Variants in AKAP13 observed in about 807,000 individuals in gnomAD.
The protein encoded by AKAP13 is A-kinase anchoring protein 13, also known as A-kinase anchor protein 13.
AKAP13 carries 80 observed loss-of-function variants against 264.5 expected under a neutral mutation model. The ratio of observed to expected loss-of-function variants is 0.30; its 90% confidence interval spans 0.25 to 0.36. The LOEUF is 0.36. Ranked by LOEUF, AKAP13 falls within the 10% of genes least tolerant of loss-of-function variation. The pLI is 1.00. For missense variants in AKAP13, 3,712 were observed against 3,435.2 expected, an observed-to-expected ratio of 1.08 and a Z score of -2.01; for synonymous variants, 1,380 against 1,250.2, an observed-to-expected ratio of 1.10 and a Z score of -2.19.
At chr15:85,674,824 A>T (rs967272309) in intron 14 of AKAP13, among the ~76,000 whole-genome samples, 1 of 151,008 alleles carries the variant, frequency 6.6e-6, no homozygotes, top group East Asian at 1.9e-4. Flanking sequence ...TGAAATATGT[A>T]TGTGTGTGTG....
chr15:85,394,034 G>T (rs2070994439), intron 1 of AKAP13, among the ~76,000 whole-genome samples: 1 of 152,184 alleles, frequency 6.6e-6, no homozygotes, highest in Admixed American at 6.5e-5. Flanking sequence ...TTTGTGGATG[G>T]ACATTAATAA....
At chr15:85,476,865 A>AT (rs1230087821) in intron 1 of AKAP13, among the ~76,000 whole-genome samples, 16 of 152,020 alleles carry the variant, frequency 1.1e-4, no homozygotes, top group Admixed American at 6.6e-5. Context: ...AGTACGTTTA[A>AT]TTTTTTACAG....
At position 85,581,039 on chromosome 15, in the gene AKAP13, C is replaced by A; in HGVS notation, c.2971C>A (p.Leu991Ile). 1 of 1,613,914 alleles carries A rather than the reference C, an allele frequency of 6.2e-7. No individual in the cohort carries two copies. The change falls in exon 7 of 37, where the codon CTT (leucine) becomes ATT (isoleucine). Residue 991 changes from leucine to isoleucine, a missense_variant. By Grantham distance (5) the Leu-to-Ile change is conservative (BLOSUM62 2). This residue lies in a region of AKAP13 where 2,759 missense variants were observed against 2,411.7 expected (regional missense o/e 1.14). Transcript: ENST00000394518. ...TTCACCGGGTGCATCCTCTGCCTTT[C>A]TTAAGGCAGAAACTGAACATAACAA... ...SNSPGASSAF[L>I]KAETEHNKEV... is the part of the protein sequence containing the mutation.
chr15:85,498,396 C>A (rs2075949444), intron 2 of AKAP13, among the ~76,000 whole-genome samples: 1 of 152,048 alleles, frequency 6.6e-6, no homozygotes, highest in Non-Finnish European at 1.5e-5. Flanking sequence ...GCTTAGGTAG[C>A]AACTACCTTT....
At position 85,611,761 on chromosome 15, in the gene AKAP13, G is replaced by T. The variant is rs114920503; in HGVS notation, c.4161+25938G>T. On this transcript the variant is annotated intron_variant, in intron 8 of 36. Transcript: ENST00000394518. The stretch of plus-strand genomic sequence containing the variant: ...GAACACAAGTAACATGTTCAGCTGG[G>T]GCTGGCCTCATCCTTTGTCTCTGTG... 7.1e-3 allele frequency among the ~76,000 whole-genome samples: 1,079 copies of T among 152,214 alleles called. 16 individuals are homozygous for T. Among genetic ancestry groups the T allele is most frequent in the African/African-American group, 0.025 (1,019 of 41,520 alleles).
chr15:85,393,518 G>C (rs181899029), intron 1 of AKAP13, among the ~76,000 whole-genome samples: 64 of 152,346 alleles, frequency 4.2e-4, no homozygotes, highest in African/African-American at 1.4e-3. Flanking sequence ...TGTATGTCCA[G>C]TCTAGAGAGG....
At chr15:85,497,292 G>T (rs778708273) in intron 2 of AKAP13, among the ~76,000 whole-genome samples, 1 of 152,246 alleles carries the variant, frequency 6.6e-6, no homozygotes, top group Non-Finnish European at 1.5e-5. Flanking sequence ...GGGCTCAGAT[G>T]CATGCGTAGA....
intron 8 of AKAP13, among the ~76,000 whole-genome samples, chr15:85,621,789 A>G (rs2081200458): frequency 1.3e-5 from 2 of 152,162 alleles, no homozygotes. Flanking sequence ...TTTCTCGAGC[A>G]TGGTAAGGGG....
intron 13 of AKAP13, among the ~76,000 whole-genome samples, chr15:85,666,266 C>CT (rs2083592663): frequency 6.6e-6 from 1 of 152,176 alleles, no homozygotes. Context: ...TTGCATTTCT[C>CT]TGATGGCCAG....
rs576651497 is a variant in AKAP13, at chr15:85,479,368, A to G, written c.-11-6342A>G. ...ATCCAAAGTATGCATTGTCATTTCCATGTTAACCCTCACTCGAAATTTTTG... is the reference window on the plus strand; with the variant it reads ...ATCCAAAGTATGCATTGTCATTTCCGTGTTAACCCTCACTCGAAATTTTTG... On this transcript the variant is annotated intron_variant, in intron 1 of 36. Coordinates refer to ENST00000394518, the MANE Select transcript of AKAP13 (RefSeq NM_007200.5). Among the ~76,000 whole-genome samples the G allele has an allele frequency of 2.1e-4, 32 of 152,298 alleles. 1 individual carries two copies. The South Asian group carries it at 6.4e-3, about 31-fold the overall frequency.
chr15:85,382,219 C>G (rs2070316421), intron 1 of AKAP13: 1 of 152,196 alleles, frequency 6.6e-6, no homozygotes, highest in South Asian at 2.1e-4. Flanking sequence ...CCTTTACCAT[C>G]TGCTAAATGA....
chr15:85,434,316 T>TC (rs2073167230), intron 1 of AKAP13, among the ~76,000 whole-genome samples: 1 of 150,216 alleles, frequency 6.7e-6, no homozygotes, highest in African/African-American at 2.5e-5. Context: ...GCTCGGAGGG[T>TC]CCTACGCCCA....
At chr15:85,688,695 G>T (rs1451504010) in intron 16 of AKAP13, among the ~76,000 whole-genome samples, 1 of 152,176 alleles carries the variant, frequency 6.6e-6, no homozygotes, top group Non-Finnish European at 1.5e-5. Context: ...AACATATTTT[G>T]TCTGGATCAC....
intron 1 of AKAP13, among the ~76,000 whole-genome samples, chr15:85,385,067 C>G (rs1026436707): frequency 1.3e-5 from 2 of 152,200 alleles, no homozygotes; most frequent in African/African-American, 2.4e-5. Flanking sequence ...AAGCTCTTCT[C>G]TGGCTACTTT....
chr15:85,491,973 G>C (rs745968971), intron 2 of AKAP13, among the ~76,000 whole-genome samples: 22 of 152,224 alleles, frequency 1.4e-4, no homozygotes, highest in Non-Finnish European at 2.5e-4. Context: ...ATAAGGTTAA[G>C]ACGGTTCATC....
chr15:85,743,391 C>T (rs2151792213), intron 35 of AKAP13, 101 bp from the exon 36 acceptor site: 4 of 1,311,574 alleles, frequency 3.0e-6, no homozygotes, highest in Middle Eastern at 3.8e-4. Flanking sequence ...TGGGTAAGTA[C>T]CCAGCCAGCA....
In AKAP13 at chr15:85,506,675, C is replaced by T. The variant is rs374806285; in HGVS notation, c.34-14753C>T. On this transcript the variant is annotated intron_variant, in intron 2 of 36. Coordinates refer to ENST00000394518, the MANE Select transcript of AKAP13 (RefSeq NM_007200.5). The stretch of plus-strand genomic sequence containing the variant: ...TTCATTGAGGATGGTCAGGGATGAC[C>T]TCACTGCTAAGGGGACATATGAAGA... Among the ~76,000 whole-genome samples the T allele has an allele frequency of 3.2e-4, 48 of 152,242 alleles. No individual in the cohort carries two copies. In the East Asian group the frequency reaches 6.9e-3, roughly 22 times the overall value.
intron 5 of AKAP13, among the ~76,000 whole-genome samples, chr15:85,556,428 C>T (rs572099536): frequency 1.3e-5 from 2 of 152,248 alleles, no homozygotes; most frequent in South Asian, 2.1e-4. Context: ...TCTTACTGGA[C>T]CATCATTCCA....
chr15:85,716,675 C>T (rs1003913619), intron 20 of AKAP13, among the ~76,000 whole-genome samples: 2 of 152,326 alleles, frequency 1.3e-5, no homozygotes, highest in East Asian at 3.9e-4. Context: ...GTTTTCTCCT[C>T]CTCTAAAAAG....
Sources: allele counts gnomAD v4.1 joint callset (sites outside exome capture counted in the v4.1 genomes callset), GRCh38; gene constraint gnomAD v4.1.1; regional missense constraint gnomAD v4.1.1; transcripts MANE v1.5; gene names NCBI Gene and HGNC (gene_info 2026-07-23, HGNC 2026-07-21).